Variants in KIAA1217 observed in about 807,000 individuals in gnomAD.
KIAA1217 encodes KIAA1217, also known as sickle tail protein homolog.
Under a neutral mutation model 163.9 loss-of-function variants are expected in KIAA1217, and 88 were observed. The observed-to-expected ratio is 0.54, with a 90% confidence interval of 0.45 to 0.64. The LOEUF is 0.64. Among genes scored for constraint, KIAA1217 ranks in the 30% least tolerant of loss-of-function variants. KIAA1217 has a pLI of 0.00. For missense variants in KIAA1217, 2,372 were observed against 2,475.0 expected, an observed-to-expected ratio of 0.96 and a Z score of 0.88; for synonymous variants, 903 against 923.1, an observed-to-expected ratio of 0.98 and a Z score of 0.39.
chr10:23,881,044 TG>T (rs1025158999), intron 1 of KIAA1217, among the ~76,000 whole-genome samples: 1 of 151,064 alleles, frequency 6.6e-6, no homozygotes, highest in Non-Finnish European at 1.5e-5. Context: ...TATACTAGCC[TG>T]GGGGGAAAGT....
chr10:24,404,765 T>C (rs2057014007), intron 3 of KIAA1217, among the ~76,000 whole-genome samples: 1 of 152,100 alleles, frequency 6.6e-6, no homozygotes, highest in African/African-American at 2.4e-5. Context: ...GGGTGAATAG[T>C]TCAACTACGA....
chr10:23,890,864 A>G (rs1226830389), intron 1 of KIAA1217, among the ~76,000 whole-genome samples: 1 of 151,890 alleles, frequency 6.6e-6, no homozygotes, highest in Non-Finnish European at 1.5e-5. Context: ...TCCAAATTTG[A>G]TATCTGTTTT....
intron 4 of KIAA1217, among the ~76,000 whole-genome samples, chr10:24,434,118 C>T (rs1270180572): frequency 6.7e-6 from 1 of 149,286 alleles, no homozygotes; most frequent in Non-Finnish European, 1.5e-5. Flanking sequence ...TTTACTGTAA[C>T]CTCCGCCTCC....
intron 1 of KIAA1217, among the ~76,000 whole-genome samples, chr10:23,696,890 T>C (rs1190290422): frequency 6.6e-6 from 1 of 152,174 alleles, no homozygotes; most frequent in East Asian, 1.9e-4. Context: ...AATGAATGCA[T>C]GAATTATGCA....
intron 1 of KIAA1217, among the ~76,000 whole-genome samples, chr10:23,853,313 C>T (rs1046461343): frequency 1.3e-5 from 2 of 152,118 alleles, no homozygotes; most frequent in Non-Finnish European, 2.9e-5. Context: ...TGCTGGATTA[C>T]ATTTATTGAT....
At chr10:23,955,140 C>A (rs1844504985) in intron 1 of KIAA1217, among the ~76,000 whole-genome samples, 1 of 152,078 alleles carries the variant, frequency 6.6e-6, no homozygotes, top group Non-Finnish European at 1.5e-5. Context: ...CATTATTGTC[C>A]CTCTTTTATA....
At chr10:23,955,565 A>G (rs1327427529) in intron 1 of KIAA1217, among the ~76,000 whole-genome samples, 4 of 152,168 alleles carry the variant, frequency 2.6e-5, no homozygotes, top group African/African-American at 9.7e-5. Context: ...CAAATACAGG[A>G]TGGGACTGTG....
At chr10:23,907,867 G>C (rs952973137) in intron 1 of KIAA1217, among the ~76,000 whole-genome samples, 1 of 151,860 alleles carries the variant, frequency 6.6e-6, no homozygotes, top group Non-Finnish European at 1.5e-5. Flanking sequence ...TTCCCCTATG[G>C]GGAAAAAACA....
At chr10:24,191,393 A>G (rs2066712204) in intron 2 of KIAA1217, among the ~76,000 whole-genome samples, 1 of 152,178 alleles carries the variant, frequency 6.6e-6, no homozygotes, top group African/African-American at 2.4e-5. Context: ...CAGACATACT[A>G]TTTGATAGTA....
chr10:24,333,169 C>T (rs1389891359), intron 2 of KIAA1217, among the ~76,000 whole-genome samples: 3 of 152,000 alleles, frequency 2.0e-5, no homozygotes, highest in Admixed American at 6.6e-5. Context: ...GGATTACAAA[C>T]GCCCACCACC....
chr10:24,467,802 ATGTGTGTGTGTATG>A lies in KIAA1217; in HGVS notation c.847-5414_847-5401del, dbSNP rs1409563491. ...TGGCAACTCGTATGTGTGTATGTGTATGTGTGTGTGTATGTGTGTGTGTGTGTGTGTGTGTGTTG... is the reference window on the plus strand; with the variant it reads ...TGGCAACTCGTATGTGTGTATGTGTATGTGTGTGTGTGTGTGTGTGTGTTG... On this transcript the variant is annotated intron_variant, in intron 5 of 20. Transcript: ENST00000376454. Among the ~76,000 whole-genome samples, 101 of 136,738 alleles carry A rather than the reference ATGTGTGTGTGTATG, an allele frequency of 7.4e-4. 1 individual carries two copies. The highest frequency in any genetic ancestry group is 2.7e-3 in the African/African-American group (96 of 35,512). The allele number at this position is 136,738 out of a possible 152,430, so 89.7% of individuals were successfully genotyped here.
chr10:24,415,795 G>C (rs1218724243), intron 3 of KIAA1217, among the ~76,000 whole-genome samples: 1 of 152,202 alleles, frequency 6.6e-6, no homozygotes, highest in Non-Finnish European at 1.5e-5. Context: ...CCCCTTTATT[G>C]CTCTGGCCAG....
chr10:24,540,510 G>A (rs1051412978), intron 17 of KIAA1217, among the ~76,000 whole-genome samples: 2 of 152,132 alleles, frequency 1.3e-5, no homozygotes, highest in African/African-American at 4.8e-5. Flanking sequence ...GGGATTACAG[G>A]TGTGAGCCAC....
chr10:24,085,007 G>T (rs944115215), intron 2 of KIAA1217, among the ~76,000 whole-genome samples: 9 of 147,322 alleles, frequency 6.1e-5, no homozygotes, highest in Non-Finnish European at 1.0e-4. Flanking sequence ...TCTGCCTCCC[G>T]GGTTCACGCC....
intron 2 of KIAA1217, among the ~76,000 whole-genome samples, chr10:24,329,563 G>A (rs531327669): frequency 5.3e-5 from 8 of 152,092 alleles, no homozygotes; most frequent in Non-Finnish European, 8.8e-5. Context: ...ATGTCAATGG[G>A]AAGTTGAGCA....
intron 2 of KIAA1217, among the ~76,000 whole-genome samples, chr10:24,027,990 C>T (rs981689100): frequency 6.6e-6 from 1 of 152,018 alleles, no homozygotes; most frequent in African/African-American, 2.4e-5. Flanking sequence ...GCCCACTTTG[C>T]AAGGTAATGA....
At chr10:23,753,054 C>A (rs138041752) in intron 1 of KIAA1217, among the ~76,000 whole-genome samples, 1 of 152,096 alleles carries the variant, frequency 6.6e-6, no homozygotes, top group Non-Finnish European at 1.5e-5. Flanking sequence ...AGATGCTCTG[C>A]GTTTTGGTTC....
intron 14 of KIAA1217, 151 bp downstream of exon 14, chr10:24,528,270 T>C: frequency 1.6e-6 from 1 of 616,250 alleles, no homozygotes; most frequent in South Asian, 2.5e-5. Flanking sequence ...GCAAATCCTC[T>C]GGTGTTCCTT....
At chr10:23,930,609 T>C (rs1427395638) in intron 1 of KIAA1217, among the ~76,000 whole-genome samples, 1 of 152,228 alleles carries the variant, frequency 6.6e-6, no homozygotes, top group Non-Finnish European at 1.5e-5. Flanking sequence ...AATTTCTGCA[T>C]CTTGCTTGGA....
Sources: allele counts gnomAD v4.1 joint callset (sites outside exome capture counted in the v4.1 genomes callset), GRCh38; gene constraint gnomAD v4.1.1; transcripts MANE v1.5; gene names NCBI Gene and HGNC (gene_info 2026-07-23, HGNC 2026-07-21).